EIF4E: variants seen among roughly 807,000 people sequenced by gnomAD.
The protein encoded by EIF4E is eIF-4F 25 kDa subunit.
For synonymous variants in EIF4E, 71 were observed against 88.5 expected (o/e 0.80, Z 1.11); for missense variants, 113 against 265.6 (o/e 0.43, Z 3.99).
intron 1 of EIF4E, among the ~76,000 whole-genome samples, chr4:98,903,682 C>T (rs1368164479): frequency 6.6e-6 from 1 of 152,070 alleles, no homozygotes; most frequent in African/African-American, 2.4e-5. Context: ...AGAACGGAGA[C>T]CATGTCTTGA....
chr4:98,899,584 A>G, intron 2 of EIF4E, among the ~76,000 whole-genome samples: 1 of 152,334 alleles, frequency 6.6e-6, no homozygotes, highest in East Asian at 1.9e-4. Flanking sequence ...ACACAAGTGC[A>G]CAATTATGTA....
At chr4:98,928,326 G>A (rs1002081719) in intron 1 of EIF4E, among the ~76,000 whole-genome samples, 5 of 152,070 alleles carry the variant, frequency 3.3e-5, no homozygotes, top group African/African-American at 1.2e-4. Flanking sequence ...GGAGGGGCGA[G>A]GACAATGTGA....
intron 1 of EIF4E, among the ~76,000 whole-genome samples, chr4:98,917,122 ACACACACACAC>A (rs1375203736): frequency 5.5e-5 from 3 of 54,338 alleles, no homozygotes; most frequent in Admixed American, 1.5e-4. Flanking sequence ...ACACACACAC[ACACACACACAC>A]AAAAAAAACC....
intron 2 of EIF4E, among the ~76,000 whole-genome samples, chr4:98,894,427 A>G (rs577474424): frequency 7.9e-5 from 12 of 152,356 alleles, no homozygotes; most frequent in African/African-American, 2.9e-4. Context: ...TCCTTCATCA[A>G]TTACCTCAGC....
chr4:98,903,441 A>C (rs776386306), intron 1 of EIF4E: 4 of 455,514 alleles, frequency 8.8e-6, no homozygotes, highest in Non-Finnish European at 1.8e-5. Context: ...TCCCTGGCTC[A>C]AGCAATCTTC....
intron 3 of EIF4E, among the ~76,000 whole-genome samples, chr4:98,889,232 T>C (rs1339847948): frequency 1.3e-5 from 2 of 152,016 alleles, no homozygotes; most frequent in Non-Finnish European, 2.9e-5. Flanking sequence ...ACAAATATAG[T>C]TTAGGTGAGA....
intron 2 of EIF4E, among the ~76,000 whole-genome samples, chr4:98,901,458 GC>G (rs1724646249): frequency 2.0e-5 from 3 of 151,830 alleles, no homozygotes; most frequent in Non-Finnish European, 4.4e-5. Context: ...CTCCGCCTCC[GC>G]CTCCGCCTCC....
intron 1 of EIF4E, among the ~76,000 whole-genome samples, chr4:98,910,234 C>T (rs1725061559): frequency 6.6e-6 from 1 of 152,034 alleles, no homozygotes; most frequent in Admixed American, 6.6e-5. Flanking sequence ...CCTCCCTTAA[C>T]CGAGAAAGTT....
At chr4:98,883,328 G>A (rs1398056503) in intron 6 of EIF4E, among the ~76,000 whole-genome samples, 3 of 151,200 alleles carry the variant, frequency 2.0e-5, no homozygotes, top group African/African-American at 7.3e-5. Flanking sequence ...ATCACAAAGG[G>A]GCAAACCAAA....
At chr4:98,884,187 G>C (rs1723815980) in intron 6 of EIF4E, among the ~76,000 whole-genome samples, 1 of 152,094 alleles carries the variant, frequency 6.6e-6, no homozygotes, top group Admixed American at 6.5e-5. Flanking sequence ...AAACACACAT[G>C]CTTTAAATGC....
chr4:98,888,037 T>A, intron 3 of EIF4E, 85 bp from the exon 4 acceptor site: 1 of 1,152,508 alleles, frequency 8.7e-7, no homozygotes, highest in Non-Finnish European at 1.2e-6. Flanking sequence ...TTAGAACATA[T>A]GATGAAAATA....
intron 1 of EIF4E, among the ~76,000 whole-genome samples, chr4:98,928,586 T>C (rs1262845193): frequency 1.3e-5 from 2 of 151,196 alleles, no homozygotes. Flanking sequence ...AGCTCCCCAG[T>C]CCACCGGTCT....
At chr4:98,909,069 TC>T (rs1394875179) in intron 1 of EIF4E, among the ~76,000 whole-genome samples, 1 of 152,192 alleles carries the variant, frequency 6.6e-6, no homozygotes, top group African/African-American at 2.4e-5. Context: ...CCTTTGCTCA[TC>T]TTGCCAATGC....
chr4:98,896,124 A>G (rs1724371363), intron 2 of EIF4E, among the ~76,000 whole-genome samples: 1 of 152,024 alleles, frequency 6.6e-6, no homozygotes, highest in Non-Finnish European at 1.5e-5. Flanking sequence ...TGAACCTGGG[A>G]GGCGGAGGTT....
chr4:98,919,633 A>G (rs1008217858), intron 1 of EIF4E, among the ~76,000 whole-genome samples: 1 of 142,784 alleles, frequency 7.0e-6, no homozygotes, highest in African/African-American at 2.6e-5. Context: ...GTCTTGGCTC[A>G]CTGCAACCTC....
chr4:98,900,700 C>T (rs1401947005), intron 2 of EIF4E, among the ~76,000 whole-genome samples: 3 of 152,144 alleles, frequency 2.0e-5, no homozygotes, highest in Non-Finnish European at 4.4e-5. Context: ...ATTCAGTGAA[C>T]TCAAGTTAAT....
chr4:98,927,527 G>A (rs557528709), intron 1 of EIF4E, among the ~76,000 whole-genome samples: 1 of 151,724 alleles, frequency 6.6e-6, no homozygotes, highest in East Asian at 1.9e-4. Context: ...ACGGTTGTGC[G>A]CACCTGTAAT....
chr4:98,890,953 C>G (rs1724119756), intron 3 of EIF4E: 1 of 443,550 alleles, frequency 2.3e-6, no homozygotes, highest in Non-Finnish European at 4.1e-6. Context: ...AGGAGTGGAA[C>G]AAGTTCCAAC....
chr4:98,882,396 C>CAAAA (rs33922454), intron 6 of EIF4E, among the ~76,000 whole-genome samples: 1 of 85,198 alleles, frequency 1.2e-5, no homozygotes, highest in Non-Finnish European at 2.4e-5. Context: ...GACTCCGTCT[C>CAAAA]AAAAAAAAAA....
Sources: gnomAD v4.1 joint callset for allele counts (sites outside exome capture counted in the v4.1 genomes callset) on GRCh38, gnomAD v4.1.1 for gene constraint, MANE v1.5 for transcripts, NCBI Gene and HGNC (gene_info 2026-07-23, HGNC 2026-07-21) for gene names.